PRIM2: variants seen among roughly 807,000 people sequenced by gnomAD.
PRIM2 encodes DNA primase large subunit.
PRIM2 carries 39 observed loss-of-function variants against 67.3 expected under a neutral mutation model. That is an observed-to-expected ratio of 0.58 (90% CI 0.45 to 0.76). The LOEUF is 0.76. Among genes scored for constraint, PRIM2 ranks in the 30% least tolerant of loss-of-function variants. PRIM2 has a pLI of 0.00. For missense variants in PRIM2, 398 were observed against 598.7 expected, an observed-to-expected ratio of 0.66 and a Z score of 3.50; for synonymous variants, 143 against 198.7, an observed-to-expected ratio of 0.72 and a Z score of 2.36.
intron 7 of PRIM2, among the ~76,000 whole-genome samples, chr6:57,455,108 C>G (rs1285434319): frequency 1.3e-5 from 2 of 152,140 alleles, no homozygotes; most frequent in Non-Finnish European, 2.9e-5. Flanking sequence ...GAGTGAGTTT[C>G]TTAATCCTGA....
chr6:57,344,315 G>C (rs1473678317), intron 5 of PRIM2, among the ~76,000 whole-genome samples: 2 of 151,894 alleles, frequency 1.3e-5, no homozygotes, highest in African/African-American at 2.4e-5. Context: ...TTTAAGATGA[G>C]TATAGCAAAA....
the PRIM2 span, among the ~76,000 whole-genome samples, chr6:57,292,921 AG>A: frequency 6.6e-6 from 1 of 152,372 alleles, no homozygotes; most frequent in East Asian, 1.9e-4. Context: ...TTCAGGACAT[AG>A]GCATGGGTAA....
chr6:57,273,275 A>C, the PRIM2 span, among the ~76,000 whole-genome samples: 1 of 152,214 alleles, frequency 6.6e-6, no homozygotes, highest in South Asian at 2.1e-4. Context: ...GATCAGACGC[A>C]GATTTGGTCT....
intron 7 of PRIM2, among the ~76,000 whole-genome samples, chr6:57,388,879 G>T: frequency 6.6e-6 from 1 of 152,170 alleles, no homozygotes; most frequent in Non-Finnish European, 1.5e-5. Context: ...AAATTTTTGG[G>T]GAGGAGAATG....
rs371513676 is a variant in PRIM2, at chr6:57,379,931, C to T, written c.490C>T (p.Gln164Ter). ...ISDEEKTLRE[Q>*]EIVASSPSLS... ...TGATGAAGAGAAGACTCTTCGAGAA[C>T]AGGAGATTGTTGCCTCATCACCAAG... Residue 164 changes from glutamine (Q) to a stop codon, truncating the protein, a stop_gained, in exon 6 of 14, where the codon CAG becomes TAG. Transcript: ENST00000615550. LOFTEE classifies it high-confidence loss of function. The T allele has an allele frequency of 4.5e-6, 7 of 1,555,496 alleles. No individual in the cohort carries two copies. Among genetic ancestry groups the T allele is most frequent in the African/African-American group, 1.4e-5 (1 of 73,326 alleles).
the PRIM2 span, among the ~76,000 whole-genome samples, chr6:57,239,282 T>C: frequency 6.6e-6 from 1 of 152,156 alleles, no homozygotes; most frequent in Non-Finnish European, 1.5e-5. Flanking sequence ...TGAGCCACCA[T>C]GGCTGGCATG....
chr6:57,261,258 C>T, the PRIM2 span, among the ~76,000 whole-genome samples: 5 of 152,090 alleles, frequency 3.3e-5, no homozygotes, highest in Admixed American at 2.6e-4. Context: ...AAGCTGCTAC[C>T]ACTGCCTAAA....
At chr6:57,312,667 C>G (rs987618914), upstream of PRIM2, among the ~76,000 whole-genome samples, 16 of 152,134 alleles carry the variant, frequency 1.1e-4, no homozygotes, top group African/African-American at 3.9e-4. Context: ...GTGTACAGTT[C>G]AGTGGCATTA....
intron 7 of PRIM2, among the ~76,000 whole-genome samples, chr6:57,412,728 C>A (rs984348): frequency 1.3e-5 from 2 of 151,586 alleles, no homozygotes; most frequent in Non-Finnish European, 2.9e-5. Context: ...GACAAGTCAC[C>A]CAGAAGAGTT....
chr6:57,380,047 G>A (rs1294011220), intron 6 of PRIM2, 51 bp downstream of exon 6: 2 of 1,434,334 alleles, frequency 1.4e-6, no homozygotes, highest in African/African-American at 2.9e-5. Context: ...ATGTCGCATT[G>A]AGCTTTATAT....
chr6:57,604,933 G>A (rs1184575297), intron 11 of PRIM2, among the ~76,000 whole-genome samples: 21,610 of 152,082 alleles, frequency 0.14, 2,553 homozygotes, highest in African/African-American at 0.32. Flanking sequence ...CTCGTGATCC[G>A]CCCGCCTCGG....
the PRIM2 span, among the ~76,000 whole-genome samples, chr6:57,270,840 G>A: frequency 1.6e-4 from 25 of 152,212 alleles, no homozygotes; most frequent in South Asian, 1.9e-3. Context: ...AGCATGAAGC[G>A]TTGTTGAATT....
At chr6:57,276,795 G>A in the PRIM2 span, among the ~76,000 whole-genome samples, 16 of 151,640 alleles carry the variant, frequency 1.1e-4, no homozygotes, top group Non-Finnish European at 2.1e-4. Context: ...GGGCTCAGGT[G>A]GGAGAATGGC....
chr6:57,568,182 T>A (rs1324256736), intron 10 of PRIM2, among the ~76,000 whole-genome samples: 2 of 152,314 alleles, frequency 1.3e-5, no homozygotes, highest in Admixed American at 1.3e-4. Context: ...TGCTTTGTAT[T>A]TGACCACATA....
At chr6:57,243,978 G>T in the PRIM2 span, among the ~76,000 whole-genome samples, 5 of 152,168 alleles carry the variant, frequency 3.3e-5, no homozygotes, top group African/African-American at 7.2e-5. Flanking sequence ...TCATGGCTGA[G>T]GTGCTCAAAA....
rs532891168 is a variant in PRIM2 at position 57,404,232 on chromosome 6, G to A, written c.693+22064G>A. On this transcript the variant is annotated intron_variant, in intron 7 of 13. Transcript: ENST00000615550. ...CTGGGTCTTTTGCTATATGTCTCTC[G>A]AAACTCAAGTTCATTGCCTGTTCTA... Among the ~76,000 whole-genome samples the A allele has an allele frequency of 3.6e-4, 33 of 92,702 alleles. 3 individuals are homozygous for A. The highest frequency in any genetic ancestry group is 6.8e-4 in the Non-Finnish European group (31 of 45,666). 60.8% of individuals were successfully genotyped at this position (92,702 alleles called of 152,430 possible).
rs1430939702 is a variant in PRIM2, at chr6:57,505,566, G to A, written c.694-1821G>A. Among the ~76,000 whole-genome samples the A allele has an allele frequency of 6.2e-4, 94 of 152,314 alleles. 2 individuals carry two copies. The highest frequency in any genetic ancestry group is 5.2e-3 in the Admixed American group (80 of 15,290). On this transcript the variant is annotated intron_variant, in intron 7 of 13. Transcript: ENST00000615550. ...TGTAATAACTTTACCCTGGGAGCCA[G>A]AGGGAATTACTAGATGATTTTAATT...
At chr6:57,451,483 T>C (rs1772548945) in intron 7 of PRIM2, among the ~76,000 whole-genome samples, 1 of 152,194 alleles carries the variant, frequency 6.6e-6, no homozygotes, top group Non-Finnish European at 1.5e-5. Context: ...AGTGAATCTT[T>C]ATTCGATAAT....
At chr6:57,399,035 T>A (rs998629023) in intron 7 of PRIM2, among the ~76,000 whole-genome samples, 10 of 152,056 alleles carry the variant, frequency 6.6e-5, no homozygotes, top group Non-Finnish European at 1.2e-4. Flanking sequence ...TATTTAATTA[T>A]TTTTTATTTA....
Sources: allele counts gnomAD v4.1 joint callset (sites outside exome capture counted in the v4.1 genomes callset), GRCh38; gene constraint gnomAD v4.1.1; transcripts MANE v1.5; gene names NCBI Gene and HGNC (gene_info 2026-07-23, HGNC 2026-07-21).